C19orf47: variants seen among roughly 807,000 people sequenced by gnomAD.
C19orf47 encodes chromosome 19 open reading frame 47.
Under a neutral mutation model 32.3 loss-of-function variants are expected in C19orf47, and 18 were observed. The ratio of observed to expected loss-of-function variants is 0.56; its 90% CI spans 0.39 to 0.83. C19orf47 has a LOEUF of 0.83. Ranked by LOEUF, C19orf47 falls within the 40% of genes least tolerant of loss-of-function variation. The pLI, the probability that C19orf47 is intolerant of heterozygous loss-of-function variation, is 0.00. For missense variants in C19orf47, 484 were observed against 531.6 expected, an observed-to-expected ratio of 0.91 and a Z score of 0.88; for synonymous variants, 202 against 211.1, an observed-to-expected ratio of 0.96 and a Z score of 0.37.
At chr19:40,313,830 C>G in the C19orf47 span, among the ~76,000 whole-genome samples, 1 of 151,630 alleles carries the variant, frequency 6.6e-6, no homozygotes, top group Non-Finnish European at 1.5e-5. Context: ...GGTGACAGAG[C>G]AAGATCCTGT....
At chr19:40,348,212 A>C (rs2078365328) in intron 1 of C19orf47, 112 bp downstream of exon 1, 1 of 674,290 alleles carries the variant, frequency 1.5e-6, no homozygotes, top group Non-Finnish European at 2.1e-6. Flanking sequence ...TCAAAGAAAC[A>C]AATCGTAAGT....
At chr19:40,340,679 C>T (rs1369324088) in intron 2 of C19orf47, among the ~76,000 whole-genome samples, 4 of 128,858 alleles carry the variant, frequency 3.1e-5, no homozygotes, top group African/African-American at 1.2e-4. Flanking sequence ...GACTCTGTCT[C>T]AAATAAAAAG....
In C19orf47 at chr19:40,321,920, C is replaced by T; in HGVS notation, c.1120G>A (p.Val374Met). 1 of 1,612,372 alleles carries T rather than the reference C, an allele frequency of 6.2e-7. No individual in the cohort carries two copies. The highest frequency in any genetic ancestry group is 8.5e-7 in the Non-Finnish European group (1 of 1,179,520). The part of the protein sequence containing the change: ...LGAQMDHAGT[V>M]SVFKRLGRRT... Reference sequence around the variant, plus strand: ...CGGCCCAGTCTTTTGAACACGCTCACAGTGCCCGCGTGGTCCATCTGGGCA... The same window carrying T: ...CGGCCCAGTCTTTTGAACACGCTCATAGTGCCCGCGTGGTCCATCTGGGCA... Residue 374 changes from valine (V) to methionine (M), a missense_variant, in exon 9 of 9, where the codon GTG becomes ATG. By Grantham distance (21) the Val-to-Met change is conservative. Transcript: ENST00000683109.
At chr19:40,348,239 G>C (rs1277809743) in intron 1 of C19orf47, 85 bp downstream of exon 1, 14 of 937,478 alleles carry the variant, frequency 1.5e-5, no homozygotes, top group Non-Finnish European at 2.9e-6. Context: ...CCGTACAACG[G>C]AGCCCGAACT....
At chr19:40,334,122 G>GAT (rs1430200366) in intron 4 of C19orf47, among the ~76,000 whole-genome samples, 193 bp from the exon 5 acceptor site, 1 of 152,230 alleles carries the variant, frequency 6.6e-6, no homozygotes, top group South Asian at 2.1e-4. Flanking sequence ...AGTATATTCA[G>GAT]ATATATATAT....
chr19:40,310,860 C>T, the C19orf47 span, among the ~76,000 whole-genome samples: 1 of 152,108 alleles, frequency 6.6e-6, no homozygotes, highest in Non-Finnish European at 1.5e-5. Flanking sequence ...AGAGTAGAAG[C>T]AGAATTGTTA....
At chr19:40,344,827 A>C (rs2078241728) in intron 1 of C19orf47, among the ~76,000 whole-genome samples, 1 of 152,148 alleles carries the variant, frequency 6.6e-6, no homozygotes, top group Non-Finnish European at 1.5e-5. Flanking sequence ...GAGCATATAC[A>C]CATCTCAGTC....
At chr19:40,324,878 G>A (rs1214031049) in intron 7 of C19orf47, among the ~76,000 whole-genome samples, 1 of 151,680 alleles carries the variant, frequency 6.6e-6, no homozygotes, top group African/African-American at 2.4e-5. Flanking sequence ...AGGTAAGGTA[G>A]GAACCCAGGA....
downstream of C19orf47, among the ~76,000 whole-genome samples, chr19:40,315,649 G>A (rs754742370): frequency 7.9e-5 from 12 of 151,750 alleles, no homozygotes; most frequent in Non-Finnish European, 1.3e-4. Context: ...GCATGGTGGC[G>A]CATGCCTGTA....
chr19:40,315,942 A>T (rs2077659201), downstream of C19orf47, among the ~76,000 whole-genome samples: 1 of 152,014 alleles, frequency 6.6e-6, no homozygotes, highest in Non-Finnish European at 1.5e-5. Flanking sequence ...TGGGTGACAG[A>T]GCAAGCCCCT....
intron 7 of C19orf47, 53 bp downstream of exon 7, chr19:40,326,281 C>A (rs968757358): frequency 3.1e-6 from 5 of 1,604,058 alleles, no homozygotes; most frequent in Non-Finnish European, 4.3e-6. Flanking sequence ...CTGTGTGATG[C>A]AGAGGGAGGG....
rs1600161872 is a variant in C19orf47, at chr19:40,321,462, T to C, written c.*420A>G. The C allele has an allele frequency of 1.0e-6, 1 of 990,934 alleles. No homozygotes were observed. The highest frequency in any genetic ancestry group is 1.2e-6 in the Non-Finnish European group (1 of 836,822). The allele number at this position is 990,934 out of a possible 1,614,324, so 61.4% of individuals were successfully genotyped here. A position where few individuals can be genotyped will look rare whatever the true frequency, so the allele number is the denominator to read the frequency against. On this transcript the variant is annotated 3_prime_UTR_variant, in exon 9 of 9. Transcript: ENST00000683109. ...AGGAGTGAGGGAGGTCAGTGGGGAG[T>C]GGGGGAAGGGAGGCCCACCAGGTGA...
chr19:40,334,567 G>A (rs191326138), intron 4 of C19orf47, among the ~76,000 whole-genome samples: 69 of 152,150 alleles, frequency 4.5e-4, no homozygotes, highest in African/African-American at 1.6e-3. Context: ...GGGCAACATG[G>A]CAAAACCCCA....
intron 7 of C19orf47, 154 bp from the exon 8 acceptor site, chr19:40,324,230 C>T: frequency 1.4e-6 from 1 of 715,880 alleles, no homozygotes; most frequent in Non-Finnish European, 2.4e-6. Flanking sequence ...ACTGTTGGCT[C>T]ACACTGACCC....
downstream of C19orf47, among the ~76,000 whole-genome samples, chr19:40,316,677 G>A (rs1159503566): frequency 1.3e-5 from 2 of 152,132 alleles, no homozygotes; most frequent in Non-Finnish European, 2.9e-5. Context: ...ATCACCTGAA[G>A]GATGCCAATC....
the C19orf47 span, among the ~76,000 whole-genome samples, chr19:40,306,137 G>T: frequency 4.7e-5 from 5 of 107,362 alleles, no homozygotes; most frequent in Admixed American, 5.1e-4. Flanking sequence ...GACGACAAGA[G>T]CAAAACTCTG....
intron 2 of C19orf47, among the ~76,000 whole-genome samples, chr19:40,338,266 T>TACACAC (rs35520400): frequency 0.31 from 44,139 of 143,168 alleles, 7,844 homozygotes; most frequent in South Asian, 0.56. Flanking sequence ...TACATATATA[T>TACACAC]ACACACACAC....
the C19orf47 span, among the ~76,000 whole-genome samples, chr19:40,302,636 C>T: frequency 3.7e-4 from 56 of 152,192 alleles, no homozygotes; most frequent in Admixed American, 1.2e-3. Flanking sequence ...ATGGGGGTGA[C>T]TGTACAAAGA....
chr19:40,322,054 T>C lies in C19orf47; in HGVS notation c.986A>G (p.Gln329Arg). ...CTTGGTGCTGGTGACCTGGCTGTCCTGGGCCTCGGGCACAAGGGCAGCTGC... is the reference window on the plus strand; with the variant it reads ...CTTGGTGCTGGTGACCTGGCTGTCCCGGGCCTCGGGCACAAGGGCAGCTGC... ...LGAAALVPEA[Q>R]DSQVTSTKSK... Residue 329 changes from glutamine (Q) to arginine (R), a missense_variant, in exon 9 of 9, where the codon CAG (glutamine) becomes CGG (arginine). This residue lies in a region of C19orf47 where 376 missense variants were observed against 370.2 expected (regional missense o/e 1.02). Coordinates refer to ENST00000683109, the MANE Select transcript of C19orf47 (RefSeq NM_001256441.2). 1 of 1,614,220 alleles carries C rather than the reference T, an allele frequency of 6.2e-7. No homozygotes were observed. The highest frequency in any genetic ancestry group is 8.5e-7 in the Non-Finnish European group (1 of 1,180,032).
Sources: allele counts gnomAD v4.1 joint callset (sites outside exome capture counted in the v4.1 genomes callset), GRCh38; gene constraint gnomAD v4.1.1; regional missense constraint gnomAD v4.1.1; transcripts MANE v1.5; gene names NCBI Gene and HGNC (gene_info 2026-07-23, HGNC 2026-07-21).